The following ACSL4 variants were observed in gnomAD, a reference collection of about 807,000 sequenced individuals.
ACSL4 encodes the protein acyl-CoA synthetase long chain family member 4, also known as long-chain-fatty-acid--CoA ligase 4.
ACSL4 carries 9 observed loss-of-function variants against 49.1 expected under a neutral mutation model. That is an observed-to-expected ratio of 0.18 (90% CI 0.11 to 0.32). The LOEUF is 0.32. Among genes scored for constraint, ACSL4 ranks in the 10% least tolerant of loss-of-function variants. The pLI, the probability that ACSL4 is intolerant of heterozygous loss-of-function variation, is 1.00. For missense variants in ACSL4, 333 were observed against 493.7 expected (o/e 0.67, Z 3.08); for synonymous variants, 191 against 170.3 (o/e 1.12, Z -0.95).
intron 11 of ACSL4, among the ~76,000 whole-genome samples, chrX:109,666,990 A>G (rs1379311877): frequency 2.7e-5 from 3 of 112,110 alleles, no homozygotes; most frequent in Non-Finnish European, 5.6e-5. Context: ...ATGGAGGGAA[A>G]GGAGAAACCT....
At chrX:109,677,872 T>C (rs1294737177) in intron 8 of ACSL4, 116 bp downstream of exon 8, 36 of 1,016,085 alleles carry the variant, frequency 3.5e-5, no homozygotes, top group Non-Finnish European at 4.9e-5. Context: ...GGAAGCTATT[T>C]TGAGGTCAAG....
intron 1 of ACSL4, among the ~76,000 whole-genome samples, chrX:109,718,549 GT>G (rs939326443): frequency 1.8e-5 from 2 of 111,936 alleles, no homozygotes; most frequent in African/African-American, 6.5e-5. Flanking sequence ...GAGCTCACAA[GT>G]TGGAGACCTG....
intron 8 of ACSL4, among the ~76,000 whole-genome samples, chrX:109,674,990 C>T (rs1053500555): frequency 1.1e-4 from 12 of 112,468 alleles, no homozygotes; most frequent in Non-Finnish European, 1.9e-4. Context: ...TAGAGATACA[C>T]ATAAATGTGC....
In ACSL4 at chrX:109,669,143, TA is replaced by T; in HGVS notation, c.1032del (p.Met345Ter). The T allele has an allele frequency of 8.6e-7, 1 of 1,168,522 alleles. No homozygotes were observed. The highest frequency in any genetic ancestry group is 1.2e-6 in the Non-Finnish European group (1 of 858,241). On this transcript the variant is annotated frameshift_variant, in exon 10 of 16. Coordinates refer to ENST00000672401, the MANE Select transcript of ACSL4 (RefSeq NM_001318510.2). LOFTEE classifies it high-confidence loss of function. ...TAATTCATCTCTTGGACTTTGCTCA[TA>T]ACATTCTTATAAATTCTATCCATGA... ...PEIMDRIYKN[V>X]MSKVQEMNYI...
intron 15 of ACSL4, among the ~76,000 whole-genome samples, chrX:109,646,098 T>C (rs1439139931): frequency 8.9e-6 from 1 of 111,840 alleles, no homozygotes; most frequent in Non-Finnish European, 1.9e-5. Flanking sequence ...AAACACTCTG[T>C]AGAATATTAT....
intron 1 of ACSL4, among the ~76,000 whole-genome samples, chrX:109,712,826 C>T (rs925297616): frequency 9.0e-5 from 10 of 110,752 alleles, no homozygotes; most frequent in African/African-American, 1.6e-4. Flanking sequence ...ATTTGCAGGC[C>T]GTGGTGGCAC....
chrX:109,684,727 T>C (rs1924449428), intron 2 of ACSL4, among the ~76,000 whole-genome samples: 1 of 111,392 alleles, frequency 9.0e-6, no homozygotes, highest in Non-Finnish European at 1.9e-5. Context: ...TAGGAGAGGC[T>C]TTGTGGAGAT....
At chrX:109,727,769 C>T (rs1374878033) in intron 1 of ACSL4, among the ~76,000 whole-genome samples, 1 of 106,798 alleles carries the variant, frequency 9.4e-6, no homozygotes, top group African/African-American at 3.5e-5. Context: ...TGTAAAGGTC[C>T]AGAGAGAAAA....
chrX:109,725,579 G>A (rs186612185), intron 1 of ACSL4, among the ~76,000 whole-genome samples: 1,980 of 109,938 alleles, frequency 0.018, 32 homozygotes, highest in African/African-American at 0.062. Context: ...TGGCTAACAC[G>A]GTGAAACCCT....
chrX:109,672,079 T>TAA (rs764711316), intron 9 of ACSL4, among the ~76,000 whole-genome samples: 504 of 37,359 alleles, frequency 0.013, 13 homozygotes, highest in African/African-American at 0.053. Flanking sequence ...CAATAAATAC[T>TAA]AAAAAAAAAA....
chrX:109,661,445 T>G, intron 14 of ACSL4, 86 bp downstream of exon 14: 2 of 672,976 alleles, frequency 3.0e-6, no homozygotes, highest in Non-Finnish European at 4.8e-6. Context: ...GAGAAGACTA[T>G]GTTACCCTTA....
chrX:109,648,735 G>A (rs1318654927), intron 15 of ACSL4, among the ~76,000 whole-genome samples: 2 of 105,270 alleles, frequency 1.9e-5, no homozygotes, highest in East Asian at 6.0e-4. Flanking sequence ...AAGTCAAATT[G>A]TCCCTGTTTG....
At chrX:109,650,732 T>G (rs896479754) in intron 15 of ACSL4, among the ~76,000 whole-genome samples, 2 of 112,099 alleles carry the variant, frequency 1.8e-5, no homozygotes, top group Admixed American at 9.4e-5. Context: ...TATACCTTCT[T>G]AACACTATGC....
chrX:109,658,342 TC>T (rs1456004708), intron 15 of ACSL4, among the ~76,000 whole-genome samples: 1 of 111,279 alleles, frequency 9.0e-6, no homozygotes, highest in South Asian at 3.7e-4. Context: ...TCTCCTACAG[TC>T]CTCTTCAACT....
Position 109,680,979 on chromosome X carries a change from T to A in ACSL4, c.655+19A>T. ...AACTTGGAATAGGTAAATAAAATTG[T>A]TTTTACTGCTTTACTTACAGTTTTC... is the stretch of plus-strand genomic sequence containing the variant. On this transcript the variant is annotated intron_variant, in intron 6 of 15. Coordinates refer to ENST00000672401, the MANE Select transcript of ACSL4 (RefSeq NM_001318510.2). 8.3e-7 allele frequency: 1 copy of A among 1,207,216 alleles called. No individual in the cohort carries two copies. The highest frequency in any genetic ancestry group is 2.4e-4 in the Middle Eastern group (1 of 4,167).
chrX:109,700,538 TAA>T (rs562313936), intron 1 of ACSL4, among the ~76,000 whole-genome samples: 14 of 51,062 alleles, frequency 2.7e-4, no homozygotes, highest in Admixed American at 4.3e-4. Flanking sequence ...CTCTGTCTCA[TAA>T]AAAAAAAAAA....
At chrX:109,700,819 C>T (rs751090724) in intron 1 of ACSL4, among the ~76,000 whole-genome samples, 214 of 109,915 alleles carry the variant, frequency 1.9e-3, no homozygotes, top group African/African-American at 6.6e-3. Context: ...CTGAGGCGGG[C>T]GGATCATGAG....
rs747203967 is a variant in ACSL4 at position 109,668,869 on chromosome X, T to G, written c.1142+165A>C. On this transcript the variant is annotated intron_variant, in intron 10 of 15. Transcript: ENST00000672401. ...AATTGCCAAGATCAGAGTCCTCTGCTTGCTGTATAAACAATAAGACTTAGA... is the reference window on the plus strand; with the variant it reads ...AATTGCCAAGATCAGAGTCCTCTGCGTGCTGTATAAACAATAAGACTTAGA... 8.1e-5 allele frequency among the ~76,000 whole-genome samples: 9 copies of G among 111,011 alleles called. No individual in the cohort carries two copies. In the South Asian group the frequency reaches 3.4e-3, roughly 42 times the overall value.
chrX:109,697,272 G>A (rs1925509079), intron 1 of ACSL4, among the ~76,000 whole-genome samples: 1 of 111,797 alleles, frequency 8.9e-6, no homozygotes, highest in South Asian at 3.7e-4. Flanking sequence ...CTGAAGAACT[G>A]AGGCTTTATT....
Sources: gnomAD v4.1 joint callset for allele counts (sites outside exome capture counted in the v4.1 genomes callset) on GRCh38, gnomAD v4.1.1 for gene constraint, MANE v1.5 for transcripts, NCBI Gene and HGNC (gene_info 2026-07-23, HGNC 2026-07-21) for gene names.